Variants in ST14 observed in about 807,000 individuals in gnomAD.
The protein encoded by ST14 is ST14 transmembrane serine protease matriptase.
In ST14, 40 loss-of-function variants were observed where a neutral mutation model predicts 96.5. That is an observed-to-expected ratio of 0.41 (90% CI 0.32 to 0.54). The LOEUF is 0.54. Ranked by LOEUF, ST14 falls within the 20% of genes least tolerant of loss-of-function variation. The pLI is 0.17. For synonymous variants in ST14, 506 were observed against 492.1 expected, an observed-to-expected ratio of 1.03 and a Z score of -0.37; for missense variants, 1,066 against 1,188.9, an observed-to-expected ratio of 0.90 and a Z score of 1.52.
intron 7 of ST14, among the ~76,000 whole-genome samples, chr11:130,192,042 G>C (rs1043797816): frequency 6.6e-6 from 1 of 152,170 alleles, no homozygotes; most frequent in Non-Finnish European, 1.5e-5. Context: ...GGAAAGGCGT[G>C]GTTAATGCAC....
intron 9 of ST14, 59 bp from the exon 10 acceptor site, chr11:130,196,280 C>T: frequency 7.2e-7 from 1 of 1,392,788 alleles, no homozygotes; most frequent in Non-Finnish European, 1.0e-6. Context: ...CTTTGACGTC[C>T]TCAGGTTCAG....
intron 1 of ST14, among the ~76,000 whole-genome samples, chr11:130,185,456 A>G (rs1367427313): frequency 6.6e-6 from 1 of 152,160 alleles, no homozygotes; most frequent in East Asian, 1.9e-4. Flanking sequence ...AGTTCGAGAT[A>G]AGCCTGGGCA....
intron 1 of ST14, among the ~76,000 whole-genome samples, chr11:130,183,247 AC>A (rs1953210779): frequency 6.6e-6 from 1 of 152,234 alleles, no homozygotes; most frequent in African/African-American, 2.4e-5. Context: ...GGCGTGAGCC[AC>A]CACACCCGGC....
chr11:130,177,922 G>A (rs1160928717), intron 1 of ST14, among the ~76,000 whole-genome samples: 2 of 152,202 alleles, frequency 1.3e-5, no homozygotes, highest in Non-Finnish European at 1.5e-5. Flanking sequence ...GGTCCTAACC[G>A]GGTCCATGCA....
chr11:130,176,889 C>T lies in ST14; in HGVS notation c.82-11225C>T, dbSNP rs184316302. 1.4e-4 allele frequency among the ~76,000 whole-genome samples: 21 copies of T among 147,068 alleles called. 2 individuals carry two copies. The East Asian group carries it at 4.3e-3, about 30-fold the overall frequency. The stretch of plus-strand genomic sequence containing the variant: ...TCTCGGTTCACTGCAACCTCTGCCT[C>T]CTGGGTTCTAGTGATTCTCCTGCTT... On this transcript the variant is annotated intron_variant, in intron 1 of 18. Transcript: ENST00000278742.
intron 1 of ST14, among the ~76,000 whole-genome samples, chr11:130,170,603 G>C (rs894505524): frequency 2.6e-5 from 4 of 152,036 alleles, no homozygotes; most frequent in African/African-American, 9.6e-5. Context: ...AGGCAGGTTC[G>C]GTAGGCGGTA....
In ST14 at chr11:130,190,380, G is replaced by A. The variant is rs540643555; in HGVS notation, c.635-74G>A. ...GGCGAGGCCTGAGGTCCACACCCAC[G>A]GGGTCTCAGGGTCCTCCCCCAGCTC... On this transcript the variant is annotated intron_variant, in intron 6 of 18. Transcript: ENST00000278742. 66 of 1,593,850 alleles carry A rather than the reference G, an allele frequency of 4.1e-5. No individual in the cohort carries two copies. In the Middle Eastern group the frequency reaches 1.0e-3, roughly 25 times the overall value.
Position 130,160,034 on chromosome 11 carries a change from G to T in ST14, c.55G>T (p.Gly19Ter). The T allele has an allele frequency of 7.0e-7, 1 of 1,436,988 alleles. No individual in the cohort carries two copies. The highest frequency in any genetic ancestry group is 9.2e-7 in the Non-Finnish European group (1 of 1,087,506). 89.0% of individuals were successfully genotyped at this position (1,436,988 alleles called of 1,614,324 possible). ...AGGGGGCCCGAAGGACTTCGGCGCG[G>T]GACTCAAGTACAACTCCCGGCACGA... ...GGGGPKDFGA[G>*]LKYNSRHEKV... The change falls in exon 1 of 19, where the codon GGA becomes TGA. Residue 19 changes from glycine (G) to a stop codon, truncating the protein, a stop_gained. Transcript: ENST00000278742. LOFTEE classifies it high-confidence loss of function.
At chr11:130,185,607 G>T (rs937196039) in intron 1 of ST14, among the ~76,000 whole-genome samples, 1 of 152,108 alleles carries the variant, frequency 6.6e-6, no homozygotes, top group Admixed American at 6.6e-5. Context: ...AGTGAGCTAT[G>T]ATCAGACCAC....
At position 130,200,153 on chromosome 11, in the gene ST14, G is replaced by A. The variant is rs1953412641; in HGVS notation, c.1994+16G>A. On this transcript the variant is annotated intron_variant, in intron 16 of 18. Coordinates refer to ENST00000278742, the MANE Select transcript of ST14 (RefSeq NM_021978.4). ...GAGGATTCAGGTGGGTCTCTGGGTG[G>A]GCAGCAGGGAGCCTCCTTGCTGGCC... is the stretch of plus-strand genomic sequence containing the variant. 6.2e-7 allele frequency: 1 copy of A among 1,613,778 alleles called. No individual in the cohort carries two copies. Among genetic ancestry groups the A allele is most frequent in the Non-Finnish European group, 8.5e-7 (1 of 1,179,852 alleles).
At chr11:130,176,006 A>G (rs1953134071) in intron 1 of ST14, among the ~76,000 whole-genome samples, 1 of 152,204 alleles carries the variant, frequency 6.6e-6, no homozygotes, top group Non-Finnish European at 1.5e-5. Context: ...TGGTAGTTTT[A>G]TAATAGCTCA....
intron 16 of ST14, among the ~76,000 whole-genome samples, chr11:130,206,512 C>T (rs1395579647): frequency 1.3e-5 from 2 of 151,938 alleles, no homozygotes; most frequent in African/African-American, 4.8e-5. Context: ...TGTACCGTTT[C>T]TTCAGCATTT....
intron 12 of ST14, 46 bp downstream of exon 12, chr11:130,197,991 C>G (rs1426253030): frequency 4.8e-5 from 73 of 1,523,200 alleles, no homozygotes; most frequent in Non-Finnish European, 5.8e-5. Flanking sequence ...CCTTCCCCAC[C>G]CTGCCCGCGT....
chr11:130,175,424 G>C (rs1953127348), intron 1 of ST14, among the ~76,000 whole-genome samples: 1 of 151,858 alleles, frequency 6.6e-6, no homozygotes, highest in African/African-American at 2.4e-5. Context: ...TTGTTGCCCA[G>C]GCTGGAGTGC....
chr11:130,184,797 G>T (rs537595445), intron 1 of ST14, among the ~76,000 whole-genome samples: 1 of 152,212 alleles, frequency 6.6e-6, no homozygotes, highest in Non-Finnish European at 1.5e-5. Context: ...GTAGAGAGAG[G>T]TGAAAAGAAG....
At chr11:130,164,323 C>T (rs1266336557) in intron 1 of ST14, among the ~76,000 whole-genome samples, 2 of 152,152 alleles carry the variant, frequency 1.3e-5, no homozygotes, top group African/African-American at 2.4e-5. Flanking sequence ...AACTGTGTAC[C>T]TAGTCCTGGG....
rs116759881 is a variant in ST14 at position 130,189,820 on chromosome 11, C to T, written c.522C>T (p.Ala174=). Residue 174 remains alanine, a synonymous_variant, in exon 5 of 19, where the codon GCC becomes GCT. Coordinates refer to ENST00000278742, the MANE Select transcript of ST14 (RefSeq NM_021978.4). ...HLVEEAERVM[A]EERVVMLPPR... is the part of the protein sequence containing the mutation. ...TGGAGGAGGCCGAGCGCGTCATGGCCGAGGAGCGCGTAGTCATGCTGCCCC... is the reference window on the plus strand; with the variant it reads ...TGGAGGAGGCCGAGCGCGTCATGGCTGAGGAGCGCGTAGTCATGCTGCCCC... The T allele has an allele frequency of 1.3e-4, 212 of 1,613,900 alleles. 1 individual carries two copies. The African/African-American group carries it at 1.6e-3, about 12-fold the overall frequency.
chr11:130,205,167 C>CCCAGG (rs1388650430), intron 16 of ST14, among the ~76,000 whole-genome samples: 1 of 151,936 alleles, frequency 6.6e-6, no homozygotes, highest in Admixed American at 6.6e-5. Flanking sequence ...TCACTCTGTC[C>CCCAGG]CCAGGCTGGA....
chr11:130,162,275 T>A (rs921131672), intron 1 of ST14, among the ~76,000 whole-genome samples: 2 of 152,178 alleles, frequency 1.3e-5, no homozygotes, highest in African/African-American at 2.4e-5. Context: ...CTGATGCACG[T>A]TACTGCATCT....
Sources: gnomAD v4.1 joint callset for allele counts (sites outside exome capture counted in the v4.1 genomes callset) on GRCh38, gnomAD v4.1.1 for gene constraint, MANE v1.5 for transcripts, NCBI Gene and HGNC (gene_info 2026-07-23, HGNC 2026-07-21) for gene names.